PRMT8: variants seen among roughly 807,000 people sequenced by gnomAD.
PRMT8 encodes protein arginine N-methyltransferase 8.
A neutral mutation model predicts 47.1 loss-of-function variants in PRMT8; 7 were observed. The ratio of observed to expected loss-of-function variants is 0.15; its 90% CI spans 0.08 to 0.28. The LOEUF is 0.28. PRMT8 is among the 10% of genes least tolerant of loss of function. PRMT8 has a pLI of 1.00. For missense variants in PRMT8, 237 were observed against 505.4 expected, an observed-to-expected ratio of 0.47 and a Z score of 5.09; for synonymous variants, 188 against 186.5, an observed-to-expected ratio of 1.01 and a Z score of -0.07.
chr12:3,497,728 G>A (rs575433388), intron 1 of PRMT8, among the ~76,000 whole-genome samples: 1 of 152,242 alleles, frequency 6.6e-6, no homozygotes, highest in Admixed American at 6.5e-5. Flanking sequence ...ATTCCCTCAA[G>A]CATCACAGTT....
At chr12:3,447,154 A>G (rs1439554709) in intron 1 of PRMT8, among the ~76,000 whole-genome samples, 1 of 152,170 alleles carries the variant, frequency 6.6e-6, no homozygotes, top group African/African-American at 2.4e-5. Flanking sequence ...TGGAAGGGGA[A>G]GGGGTGGCAG....
Position 3,569,654 on chromosome 12 carries a change from A to G in PRMT8, c.712+90A>G, listed in dbSNP as rs1866810614. Reference sequence around the variant, plus strand: ...GGGCCCGAGATGAGCAGGCAGTGACATGAACACCATTGCTGTCCCTGAAGA... The same window carrying G: ...GGGCCCGAGATGAGCAGGCAGTGACGTGAACACCATTGCTGTCCCTGAAGA... On this transcript the variant is annotated intron_variant, in intron 6 of 9. Transcript: ENST00000382622. The surrounding 1 kb of genome is among the most constrained non-coding windows in gnomAD (Gnocchi z 8.2). 2 of 1,003,510 alleles carry G rather than the reference A, an allele frequency of 2.0e-6. No individual in the cohort carries two copies. Among genetic ancestry groups the G allele is most frequent in the Admixed American group, 1.7e-5 (1 of 57,926 alleles). 62.2% of individuals were successfully genotyped at this position (1,003,510 alleles called of 1,614,324 possible). A position where few individuals can be genotyped will look rare whatever the true frequency, so the allele number is the denominator to read the frequency against.
chr12:3,528,504 G>C (rs755366129), intron 1 of PRMT8, among the ~76,000 whole-genome samples: 2 of 151,820 alleles, frequency 1.3e-5, no homozygotes, highest in East Asian at 3.9e-4. Context: ...AATTTCGGTC[G>C]TTTAAATATC....
chr12:3,591,216 C>T lies in PRMT8; in HGVS notation c.980-1015C>T, dbSNP rs146908229. 2.1e-3 allele frequency among the ~76,000 whole-genome samples: 318 copies of T among 151,956 alleles called. 1 individual carries two copies. Among genetic ancestry groups the T allele is most frequent in the African/African-American group, 7.5e-3 (309 of 41,422 alleles). On this transcript the variant is annotated intron_variant, in intron 8 of 9. Transcript: ENST00000382622. ...GACTCAATGGCAGATATGGGGGAGG[C>T]GCAAGTACCACTATGGCTTTGGGTC...
chr12:3,436,593 C>T lies in PRMT8; in HGVS notation c.48+55151C>T, dbSNP rs553668148. Among the ~76,000 whole-genome samples, 9 of 152,240 alleles carry T rather than the reference C, an allele frequency of 5.9e-5. No individual in the cohort carries two copies. The highest frequency in any genetic ancestry group is 2.2e-4 in the African/African-American group (9 of 41,540). ...TTCTAAGAGGAGGCAGGAATGCGGC[C>T]GACTGGGCTCCACTGTCCCCTTTTG... On this transcript the variant is annotated intron_variant, in intron 1 of 9. Coordinates refer to the PRMT8 transcript ENST00000452611. This position sits in a 1 kb window ranked among gnomAD's most constrained non-coding sequence, Gnocchi z 4.2.
chr12:3,460,413 G>A (rs1291888012), intron 1 of PRMT8, among the ~76,000 whole-genome samples: 6 of 152,200 alleles, frequency 3.9e-5, no homozygotes, highest in East Asian at 3.8e-4. Flanking sequence ...AGAAGACCAG[G>A]CAGCTGGGCA....
At chr12:3,544,364 C>G (rs536349587) in intron 2 of PRMT8, among the ~76,000 whole-genome samples, 90 of 152,310 alleles carry the variant, frequency 5.9e-4, no homozygotes, top group Non-Finnish European at 1.3e-3. Flanking sequence ...GGAAAGGAGA[C>G]TTGGCCAAAA....
chr12:3,462,067 C>T (rs189778152), intron 1 of PRMT8, among the ~76,000 whole-genome samples: 1 of 152,056 alleles, frequency 6.6e-6, no homozygotes, highest in African/African-American at 2.4e-5. Context: ...CGATAGGCCC[C>T]AGTGTGTGTT....
Position 3,407,683 on chromosome 12 carries a change from A to G in PRMT8, c.48+26241A>G, listed in dbSNP as rs1864386763. ...CTCTCCCAAGACTTGGGAATTTTTC[A>G]GCAATTACTCCATTAAATAAGCTTT... On this transcript the variant is annotated intron_variant, in intron 1 of 9. Coordinates refer to the PRMT8 transcript ENST00000452611. 2.6e-5 allele frequency among the ~76,000 whole-genome samples: 4 copies of G among 152,156 alleles called. No individual in the cohort carries two copies. The South Asian group carries it at 8.3e-4, about 32-fold the overall frequency.
Position 3,538,852 on chromosome 12 carries a change from C to T in PRMT8, c.76-1754C>T, listed in dbSNP as rs574761774. 11 of 453,734 alleles carry T rather than the reference C, an allele frequency of 2.4e-5. No individual in the cohort carries two copies. The highest frequency in any genetic ancestry group is 1.2e-4 in the East Asian group (2 of 16,744). 28.1% of individuals were successfully genotyped at this position (453,734 alleles called of 1,614,324 possible). On this transcript the variant is annotated intron_variant, in intron 1 of 9. Transcript: ENST00000382622. The surrounding 1 kb of genome is among the most constrained non-coding windows in gnomAD (Gnocchi z 4.6). Reference sequence around the variant, plus strand: ...CCCCACTCGCCTTTGCCAGCCCGCCCGGGATCTCACCGACGTGAAATCTGA... The same window carrying T: ...CCCCACTCGCCTTTGCCAGCCCGCCTGGGATCTCACCGACGTGAAATCTGA...
Position 3,419,481 on chromosome 12 carries a change from T to C in PRMT8, c.48+38039T>C, listed in dbSNP as rs1457479733. ...GCTCATCTACCTGGGCTGTCTCTCT[T>C]GGAAGATGACACTGCTGAGCTCCCA... On this transcript the variant is annotated intron_variant, in intron 1 of 9. Coordinates refer to the PRMT8 transcript ENST00000452611. Among the ~76,000 whole-genome samples the C allele has an allele frequency of 3.3e-5, 5 of 152,188 alleles. No homozygotes were observed. The East Asian group carries it at 9.6e-4, about 29-fold the overall frequency.
rs1383158572 is a variant in PRMT8, at chr12:3,499,176, TA to T, written c.75+7477del. ...CTATTTTTATTTTTATTTATTTATT[TA>T]TTTTTTTTTTCCTTTCTTTTTTTTT... is the stretch of plus-strand genomic sequence containing the variant. On this transcript the variant is annotated intron_variant, in intron 1 of 9. Coordinates refer to ENST00000382622, the MANE Select transcript of PRMT8 (RefSeq NM_019854.5). Among the ~76,000 whole-genome samples the T allele has an allele frequency of 9.2e-4, 132 of 143,328 alleles. 1 individual carries two copies. The highest frequency in any genetic ancestry group is 3.6e-3 in the African/African-American group (125 of 35,164). 94.0% of individuals were successfully genotyped at this position (143,328 alleles called of 152,430 possible).
In PRMT8 at chr12:3,492,487, G is replaced by C. The variant is rs984054987; in HGVS notation, c.75+787G>C. Among the ~76,000 whole-genome samples the C allele has an allele frequency of 2.0e-5, 3 of 152,234 alleles. No individual in the cohort carries two copies. Among genetic ancestry groups the C allele is most frequent in the Admixed American group, 2.0e-4 (3 of 15,292 alleles). On this transcript the variant is annotated intron_variant, in intron 1 of 9. Coordinates refer to ENST00000382622, the MANE Select transcript of PRMT8 (RefSeq NM_019854.5). This position sits in a 1 kb window ranked among gnomAD's most constrained non-coding sequence, Gnocchi z 7.5. ...GGGTCTGCAGCCACCCGTCCCGCAA[G>C]GGCTTTTGAGGAGGTCGCTCTAGCT...
In PRMT8 at chr12:3,566,529, C is replaced by A. The variant is rs1218811062; in HGVS notation, c.482-2177C>A. Among the ~76,000 whole-genome samples, 1 of 152,212 alleles carries A rather than the reference C, an allele frequency of 6.6e-6. No individual in the cohort carries two copies. On this transcript the variant is annotated intron_variant, in intron 4 of 9. Coordinates refer to ENST00000382622, the MANE Select transcript of PRMT8 (RefSeq NM_019854.5). This position sits in a 1 kb window ranked among gnomAD's most constrained non-coding sequence, Gnocchi z 4.7. The stretch of plus-strand genomic sequence containing the variant: ...ACAAAGTGTCTTACTCCTTGTAGAG[C>A]AGGCTGTATCCAATTAAAGCTTGAT...
In PRMT8 at chr12:3,563,856, T is replaced by G. The variant is rs1253139230; in HGVS notation, c.482-4850T>G. Among the ~76,000 whole-genome samples, 3 of 152,228 alleles carry G rather than the reference T, an allele frequency of 2.0e-5. No homozygotes were observed. In the East Asian group the frequency reaches 5.8e-4, roughly 29 times the overall value. On this transcript the variant is annotated intron_variant, in intron 4 of 9. Transcript: ENST00000382622. The stretch of plus-strand genomic sequence containing the variant: ...TACGGAAAATCACTCTGCAAGCTGC[T>G]ATTCAAATGCTAGTAATTTTTTACT...
chr12:3,470,703 G>A (rs1322219333), intron 1 of PRMT8, among the ~76,000 whole-genome samples: 1 of 151,970 alleles, frequency 6.6e-6, no homozygotes, highest in Non-Finnish European at 1.5e-5. Context: ...CGGGGGGATG[G>A]GAGGGGCCTC....
At chr12:3,470,964 G>A (rs1322803554) in intron 1 of PRMT8, among the ~76,000 whole-genome samples, 2 of 152,188 alleles carry the variant, frequency 1.3e-5, no homozygotes, top group Non-Finnish European at 1.5e-5. Context: ...TGACAGTGGG[G>A]CTTTCCTTCA....
At chr12:3,586,678 A>G (rs1268503696) in intron 8 of PRMT8, among the ~76,000 whole-genome samples, 2 of 152,136 alleles carry the variant, frequency 1.3e-5, no homozygotes, top group African/African-American at 4.8e-5. Context: ...GTGTCTTAAC[A>G]AGACCTCCAG....
At chr12:3,435,375 G>T in intron 1 of PRMT8, among the ~76,000 whole-genome samples, 1 of 152,102 alleles carries the variant, frequency 6.6e-6, no homozygotes. Flanking sequence ...CTGCATATCA[G>T]ACAGGGATAA....
Sources: allele counts gnomAD v4.1 joint callset (sites outside exome capture counted in the v4.1 genomes callset), GRCh38; gene constraint gnomAD v4.1.1; non-coding constraint Gnocchi (gnomAD v3.1); transcripts MANE v1.5; gene names NCBI Gene and HGNC (gene_info 2026-07-23, HGNC 2026-07-21).